Variants in GALNT17 observed in about 807,000 individuals in gnomAD.
GALNT17 encodes polypeptide N-acetylgalactosaminyltransferase 17, also known as UDP-GalNAc:polypeptide N-acetylgalactosaminyltransferase-like 3.
In GALNT17, 29 loss-of-function variants were observed where a neutral mutation model predicts 63.7. The ratio of observed to expected loss-of-function variants is 0.46; its 90% CI spans 0.34 to 0.62. The LOEUF is 0.62. GALNT17 is among the 20% of genes least tolerant of loss of function. GALNT17 has a pLI of 0.01. For synonymous variants in GALNT17, 305 were observed against 318.3 expected, an observed-to-expected ratio of 0.96 and a Z score of 0.45; for missense variants, 603 against 799.6, an observed-to-expected ratio of 0.75 and a Z score of 2.97.
chr7:71,195,260 C>T (rs1046751887), intron 1 of GALNT17, among the ~76,000 whole-genome samples: 39 of 152,122 alleles, frequency 2.6e-4, no homozygotes, highest in Non-Finnish European at 8.8e-5. Flanking sequence ...CTGTTGCCCA[C>T]GCTGGAGTGC....
At chr7:71,334,681 G>A (rs375130427) in intron 1 of GALNT17, among the ~76,000 whole-genome samples, 1 of 152,182 alleles carries the variant, frequency 6.6e-6, no homozygotes, top group Non-Finnish European at 1.5e-5. Flanking sequence ...GCTCAGTGAG[G>A]CTTGTTACAG....
At chr7:71,534,077 C>T (rs1488934717) in intron 5 of GALNT17, among the ~76,000 whole-genome samples, 1 of 152,138 alleles carries the variant, frequency 6.6e-6, no homozygotes. Context: ...GAAAGAAACT[C>T]AGATAAAACA....
At position 71,316,164 on chromosome 7, in the gene GALNT17, C is replaced by T. The variant is rs367625945; in HGVS notation, c.239-19386C>T. Among the ~76,000 whole-genome samples, 5 of 118,020 alleles carry T rather than the reference C, an allele frequency of 4.2e-5. No homozygotes were observed. In the East Asian group the frequency reaches 1.4e-3, roughly 33 times the overall value. 77.4% of individuals were successfully genotyped at this position (118,020 alleles called of 152,430 possible). Reference sequence around the variant, plus strand: ...TGGAGCAGGAGCAAAGGGAGGAAGGCAGGAGCCTCGCAGGCCGCCTGGGGT... The same window carrying T: ...TGGAGCAGGAGCAAAGGGAGGAAGGTAGGAGCCTCGCAGGCCGCCTGGGGT... On this transcript the variant is annotated intron_variant, in intron 1 of 10. Transcript: ENST00000333538.
At chr7:71,639,913 A>G (rs1167925583) in intron 6 of GALNT17, among the ~76,000 whole-genome samples, 3 of 152,168 alleles carry the variant, frequency 2.0e-5, no homozygotes, top group African/African-American at 4.8e-5. Context: ...GCCCATGAAT[A>G]TATCTCCAGC....
intron 9 of GALNT17, among the ~76,000 whole-genome samples, chr7:71,686,551 A>T (rs28454674): frequency 2.0e-5 from 3 of 148,350 alleles, no homozygotes; most frequent in East Asian, 2.0e-4. Flanking sequence ...AGGCTTTTTT[A>T]TTTTTTTTTT....
intron 1 of GALNT17, among the ~76,000 whole-genome samples, chr7:71,272,341 A>G (rs140041307): frequency 3.5e-4 from 54 of 152,346 alleles, no homozygotes; most frequent in African/African-American, 1.2e-3. Context: ...GTAGATACGT[A>G]GGAATGGGAT....
intron 1 of GALNT17, among the ~76,000 whole-genome samples, chr7:71,185,518 T>G (rs1231755314): frequency 2.8e-5 from 4 of 144,004 alleles, no homozygotes; most frequent in East Asian, 2.1e-4. Context: ...TTTTCGTTTC[T>G]TTTCTTTTTT....
chr7:71,226,682 G>T (rs1490450724), intron 1 of GALNT17, among the ~76,000 whole-genome samples: 1 of 152,046 alleles, frequency 6.6e-6, no homozygotes, highest in African/African-American at 2.4e-5. Flanking sequence ...GTTTCGCCAT[G>T]TTGGCCAGGC....
chr7:71,658,608 C>T (rs749351348), intron 6 of GALNT17, among the ~76,000 whole-genome samples: 99 of 152,228 alleles, frequency 6.5e-4, no homozygotes, highest in Non-Finnish European at 1.3e-3. Context: ...AATCCCTCGG[C>T]CAGGTGCGGT....
At chr7:71,391,658 T>A (rs1793053905) in intron 3 of GALNT17, among the ~76,000 whole-genome samples, 1 of 151,938 alleles carries the variant, frequency 6.6e-6, no homozygotes, top group South Asian at 2.1e-4. Context: ...AATTTATATA[T>A]ATATTTTTTG....
chr7:71,559,179 G>C (rs1321561532), intron 5 of GALNT17, among the ~76,000 whole-genome samples: 1 of 152,172 alleles, frequency 6.6e-6, no homozygotes, highest in East Asian at 1.9e-4. Flanking sequence ...TGTCCTTTTG[G>C]TATTTATATG....
intron 5 of GALNT17, among the ~76,000 whole-genome samples, chr7:71,503,587 AT>A (rs1341131325): frequency 1.3e-5 from 2 of 152,080 alleles, no homozygotes; most frequent in Non-Finnish European, 2.9e-5. Flanking sequence ...CCTACTGGGA[AT>A]TATCTCTTGG....
chr7:71,321,914 CCTT>C (rs1791619400), intron 1 of GALNT17, among the ~76,000 whole-genome samples: 1 of 72,268 alleles, frequency 1.4e-5, no homozygotes, highest in Non-Finnish European at 2.9e-5. Context: ...TTCCTTCCTT[CCTT>C]CCTTCCCCTC....
At chr7:71,398,318 T>C (rs2116377728) in intron 3 of GALNT17, among the ~76,000 whole-genome samples, 1 of 152,256 alleles carries the variant, frequency 6.6e-6, no homozygotes, top group Non-Finnish European at 1.5e-5. Context: ...TTTCGCTATC[T>C]GATATTTTTG....
chr7:71,405,502 G>A (rs73362015), intron 3 of GALNT17, among the ~76,000 whole-genome samples: 6,796 of 152,216 alleles, frequency 0.045, 548 homozygotes, highest in African/African-American at 0.16. Flanking sequence ...AGGCATAGTG[G>A]TGCATGCCTG....
At chr7:71,635,058 T>G (rs938843038) in intron 6 of GALNT17, among the ~76,000 whole-genome samples, 1 of 151,460 alleles carries the variant, frequency 6.6e-6, no homozygotes, top group African/African-American at 2.4e-5. Flanking sequence ...AGTACATAAA[T>G]TAGCTGGGCA....
intron 5 of GALNT17, among the ~76,000 whole-genome samples, chr7:71,536,928 C>G (rs961371243): frequency 2.0e-5 from 3 of 152,170 alleles, no homozygotes; most frequent in Non-Finnish European, 2.9e-5. Context: ...TTCCCCAGCC[C>G]CTGCACAGGG....
intron 5 of GALNT17, among the ~76,000 whole-genome samples, chr7:71,483,904 A>C (rs1035487479): frequency 3.9e-5 from 6 of 152,124 alleles, no homozygotes; most frequent in Admixed American, 3.3e-4. Context: ...AAACGAAGAC[A>C]CGAACACACA....
intron 6 of GALNT17, among the ~76,000 whole-genome samples, chr7:71,597,585 C>G (rs1197303599): frequency 1.3e-5 from 2 of 151,942 alleles, no homozygotes; most frequent in African/African-American, 4.8e-5. Context: ...AGAAAGTGAG[C>G]TGAATGTGGT....
Sources: gnomAD v4.1 joint callset for allele counts (sites outside exome capture counted in the v4.1 genomes callset) on GRCh38, gnomAD v4.1.1 for gene constraint, MANE v1.5 for transcripts, NCBI Gene and HGNC (gene_info 2026-07-23, HGNC 2026-07-21) for gene names.